SZT2: variants seen among roughly 807,000 people sequenced by gnomAD.
SZT2 encodes SZT2 subunit of KICSTOR complex.
Under a neutral mutation model 404.2 loss-of-function variants are expected in SZT2, and 216 were observed. The ratio of observed to expected loss-of-function variants is 0.53; its 90% CI spans 0.48 to 0.60. SZT2 has a LOEUF of 0.60. SZT2 is among the 20% of genes least tolerant of loss of function. The pLI is 0.00. For synonymous variants in SZT2, 1,693 were observed against 1,749.9 expected (o/e 0.97, Z 0.81); for missense variants, 3,857 against 4,459.2 (o/e 0.86, Z 3.85).
At chr1:43,435,018 TC>T (rs1169613286) in intron 41 of SZT2, among the ~76,000 whole-genome samples, 181 bp from the exon 42 acceptor site, 4 of 152,160 alleles carry the variant, frequency 2.6e-5, no homozygotes, top group African/African-American at 9.7e-5. Context: ...GGGCAAGTGT[TC>T]CTGACTGAGA....
intron 70 of SZT2, chr1:43,449,649 C>T (rs1656138587): frequency 4.2e-6 from 1 of 237,860 alleles, no homozygotes; most frequent in African/African-American, 2.2e-5. Context: ...GAGTCCTAGG[C>T]AGCAGCTCTG....
Position 43,425,712 on chromosome 1 carries a change from C to T in SZT2, c.2814+70C>T. The T allele has an allele frequency of 3.1e-6, 5 of 1,599,356 alleles. No individual in the cohort carries two copies. The South Asian group carries it at 3.3e-5, about 11-fold the overall frequency. ...GGGTGCCATCTCTTTTGGAGTACTGCAGTCTGTGGGCTTCCTGGTCCCTCT... is the reference window on the plus strand; with the variant it reads ...GGGTGCCATCTCTTTTGGAGTACTGTAGTCTGTGGGCTTCCTGGTCCCTCT... On this transcript the variant is annotated intron_variant, in intron 19 of 71. Coordinates refer to ENST00000634258, the MANE Select transcript of SZT2 (RefSeq NM_001365999.1). This position sits in a 1 kb window ranked among gnomAD's most constrained non-coding sequence, Gnocchi z 4.3.
intron 14 of SZT2, 91 bp from the exon 15 acceptor site, chr1:43,423,008 A>G (rs1652597726): frequency 5.3e-6 from 8 of 1,504,678 alleles, no homozygotes; most frequent in East Asian, 2.5e-5. Flanking sequence ...AGACCTGGAG[A>G]AGAGGGCTGT....
Position 43,441,017 on chromosome 1 carries a change from T to C in SZT2, c.7345-197T>C, listed in dbSNP as rs1188371195. Among the ~76,000 whole-genome samples, 1 of 152,182 alleles carries C rather than the reference T, an allele frequency of 6.6e-6. No individual in the cohort carries two copies. Among genetic ancestry groups the C allele is most frequent in the Non-Finnish European group, 1.5e-5 (1 of 68,030 alleles). On this transcript the variant is annotated intron_variant, in intron 52 of 71. Coordinates refer to ENST00000634258, the MANE Select transcript of SZT2 (RefSeq NM_001365999.1). The surrounding 1 kb of genome is among the most constrained non-coding windows in gnomAD (Gnocchi z 4.8). The stretch of plus-strand genomic sequence containing the variant: ...TCCTCACAACAGCTTGCAAGATAAG[T>C]AGAGCTTTTACAGTGAGGAAGGTGA...
chr1:43,440,498 G>C lies in SZT2; in HGVS notation c.7256G>C (p.Arg2419Pro). 6.2e-7 allele frequency: 1 copy of C among 1,608,084 alleles called. No homozygotes were observed. Among genetic ancestry groups the C allele is most frequent in the Non-Finnish European group, 8.5e-7 (1 of 1,177,404 alleles). Residue 2419 changes from arginine (R) to proline (P), a missense_variant, in exon 52 of 72, where the codon CGA (arginine) becomes CCA (proline). This residue lies in a region of SZT2 where 573 missense variants were observed against 592.4 expected (regional missense o/e 0.97). Transcript: ENST00000634258. ...GSLETKSSAGRASTFPPAPVP... is the reference protein window; with the variant it reads ...GSLETKSSAGPASTFPPAPVP... The stretch of plus-strand genomic sequence containing the variant: ...TTGGAAACTAAGAGCTCTGCAGGCC[G>C]AGCTAGCACCTTTCCCCCTGCCCCT...
chr1:43,416,153 TG>T lies in SZT2; in HGVS notation c.772+56del. Reference sequence around the variant, plus strand: ...TGGGGAAGCAGGGATACAGGAAGGGTGGGGCTGACTGCTAACAAAGATAGCA... The same window carrying T: ...TGGGGAAGCAGGGATACAGGAAGGGTGGGCTGACTGCTAACAAAGATAGCA... On this transcript the variant is annotated intron_variant, in intron 6 of 71. Coordinates refer to ENST00000634258, the MANE Select transcript of SZT2 (RefSeq NM_001365999.1). 5.1e-6 allele frequency: 8 copies of T among 1,574,404 alleles called. No homozygotes were observed. The South Asian group carries it at 8.0e-5, about 16-fold the overall frequency.
chr1:43,401,212 G>A (rs1237115021), intron 1 of SZT2, among the ~76,000 whole-genome samples: 3 of 152,178 alleles, frequency 2.0e-5, no homozygotes, highest in Non-Finnish European at 2.9e-5. Flanking sequence ...GGCTTGAACC[G>A]TTATGCCCAG....
intron 7 of SZT2, among the ~76,000 whole-genome samples, chr1:43,417,468 T>A (rs1651848860): frequency 6.6e-6 from 1 of 152,196 alleles, no homozygotes; most frequent in South Asian, 2.1e-4. Context: ...AATGCAAGTT[T>A]GTGTATGTTG....
rs1652962669 is a variant in SZT2 at position 43,424,941 on chromosome 1, G to A, written c.2550+79G>A. ...GACACTCACCTCTGAGCTGGGTTGG[G>A]ACTGCTGGAAACTGCCTCACAGGGA... On this transcript the variant is annotated intron_variant, in intron 17 of 71. Coordinates refer to ENST00000634258, the MANE Select transcript of SZT2 (RefSeq NM_001365999.1). This position sits in a 1 kb window ranked among gnomAD's most constrained non-coding sequence, Gnocchi z 4.1. 6.5e-7 allele frequency: 1 copy of A among 1,542,874 alleles called. No homozygotes were observed. The highest frequency in any genetic ancestry group is 1.4e-5 in the African/African-American group (1 of 73,614).
intron 66 of SZT2, 48 bp downstream of exon 66, chr1:43,447,216 A>G: frequency 1.3e-6 from 2 of 1,553,432 alleles, no homozygotes; most frequent in Non-Finnish European, 8.7e-7. Context: ...AACAGGCCAC[A>G]GGTGCCTCCA....
chr1:43,436,736 G>A (rs1654493535), intron 42 of SZT2: 1 of 173,368 alleles, frequency 5.8e-6, no homozygotes, highest in African/African-American at 2.4e-5. Flanking sequence ...CCAAAGCCCA[G>A]GACAAAGTTT....
chr1:43,425,673 C>T lies in SZT2; in HGVS notation c.2814+31C>T, dbSNP rs891017900. 1.9e-6 allele frequency: 3 copies of T among 1,610,352 alleles called. No homozygotes were observed. The African/African-American group carries it at 4.0e-5, about 22-fold the overall frequency. On this transcript the variant is annotated intron_variant, in intron 19 of 71. Transcript: ENST00000634258. This position sits in a 1 kb window ranked among gnomAD's most constrained non-coding sequence, Gnocchi z 4.3. ...TGTCCTCAGAACAGTACCCGCACCT[C>T]TCTCACTGGATTGGGGTGCCATCTC...
intron 46 of SZT2, 146 bp downstream of exon 46, chr1:43,438,048 A>G (rs969744045): frequency 2.0e-5 from 16 of 783,066 alleles, no homozygotes; most frequent in Non-Finnish European, 4.1e-6. Flanking sequence ...AGCCATAAAT[A>G]CTAGCTGGAG....
In SZT2 at chr1:43,425,754, T is replaced by G. The variant is rs1207226616; in HGVS notation, c.2815-81T>G. On this transcript the variant is annotated intron_variant, in intron 19 of 71. Transcript: ENST00000634258. This position sits in a 1 kb window ranked among gnomAD's most constrained non-coding sequence, Gnocchi z 4.3. ...GGTCCCTCTGAATGGCTGGGACTGT[T>G]GAAGCTTCCTGAAGAGCTGGAACCC... The G allele has an allele frequency of 1.3e-6, 2 of 1,591,432 alleles. No individual in the cohort carries two copies. The highest frequency in any genetic ancestry group is 1.1e-5 in the South Asian group (1 of 90,078).
chr1:43,414,447 A>G (rs1234833712), intron 4 of SZT2, among the ~76,000 whole-genome samples: 1 of 152,102 alleles, frequency 6.6e-6, no homozygotes, highest in African/African-American at 2.4e-5. Flanking sequence ...TTTTTTATAC[A>G]GTCTCACTCT....
chr1:43,401,075 C>T (rs1429835059), intron 1 of SZT2, among the ~76,000 whole-genome samples: 1 of 152,108 alleles, frequency 6.6e-6, no homozygotes, highest in Non-Finnish European at 1.5e-5. Flanking sequence ...GCACGAGCCA[C>T]TACGCCTGGC....
chr1:43,448,111 G>A lies in SZT2; in HGVS notation c.9596G>A (p.Arg3199Gln), dbSNP rs561092682. 2.9e-5 allele frequency: 46 copies of A among 1,599,130 alleles called. No homozygotes were observed. Among genetic ancestry groups the A allele is most frequent in the Non-Finnish European group, 3.7e-5 (43 of 1,170,122 alleles). ...TTCTTCGTGGTGCTCACCAGCCAGC[G>A]AGAGCTCTTCCCCAGGCTCACTGCT... is the stretch of plus-strand genomic sequence containing the variant. ...LQFFVVLTSQ[R>Q]ELFPRLTADM... The change falls in exon 69 of 72, where the codon CGA (arginine) becomes CAA (glutamine). Residue 3199 changes from arginine (R) to glutamine (Q), a missense_variant. By Grantham distance (43) the Arg-to-Gln change is conservative (BLOSUM62 1). Transcript: ENST00000634258. This position sits in a 1 kb window ranked among gnomAD's most constrained non-coding sequence, Gnocchi z 4.2.
intron 1 of SZT2, among the ~76,000 whole-genome samples, chr1:43,392,196 A>C (rs1648467518): frequency 1.3e-5 from 2 of 152,078 alleles, no homozygotes; most frequent in Admixed American, 1.3e-4. Flanking sequence ...AAATGTAATA[A>C]AATACAAAAC....
Position 43,442,238 on chromosome 1 carries a change from C to G in SZT2, c.7874-30C>G. 1.9e-6 allele frequency: 3 copies of G among 1,605,684 alleles called. No individual in the cohort carries two copies. The highest frequency in any genetic ancestry group is 2.6e-6 in the Non-Finnish European group (3 of 1,175,510). On this transcript the variant is annotated intron_variant, in intron 56 of 71. Transcript: ENST00000634258. This position sits in a 1 kb window ranked among gnomAD's most constrained non-coding sequence, Gnocchi z 4.5. The stretch of plus-strand genomic sequence containing the variant: ...GGATCAAGGGGGATCTGTTCCCAGG[C>G]CCCTATTGTGCCCCTCCCCCACCCT...
Sources: allele counts gnomAD v4.1 joint callset (sites outside exome capture counted in the v4.1 genomes callset), GRCh38; gene constraint gnomAD v4.1.1; regional missense constraint gnomAD v4.1.1; non-coding constraint Gnocchi (gnomAD v3.1); transcripts MANE v1.5; gene names NCBI Gene and HGNC (gene_info 2026-07-23, HGNC 2026-07-21).